The following PAQR8 variants were observed in gnomAD, a reference collection of about 807,000 sequenced individuals.
The protein encoded by PAQR8 is progestin and adipoQ receptor family member 8.
PAQR8 carries 17 observed loss-of-function variants against 25.2 expected under a neutral mutation model. The ratio of observed to expected loss-of-function variants is 0.67; its 90% confidence interval spans 0.46 to 1.01. The LOEUF (loss-of-function observed/expected upper bound fraction) is 1.01, where lower values mean the gene tolerates loss of function less well. PAQR8 is among the 50% of genes least tolerant of loss of function. The pLI, the probability that PAQR8 is intolerant of heterozygous loss-of-function variation, is 0.00. For missense variants in PAQR8, 392 were observed against 448.4 expected (o/e 0.87, Z 1.14); for synonymous variants, 204 against 190.6 (o/e 1.07, Z -0.58).
At chr6:52,393,291 TCATATAAGTGTTTGATA>T (rs1483453005) in intron 1 of PAQR8, among the ~76,000 whole-genome samples, 2 of 151,724 alleles carry the variant, frequency 1.3e-5, no homozygotes, top group African/African-American at 4.8e-5. Flanking sequence ...GTGCTAAACA[TCATATAAGTGTTTGATA>T]CTATTATTCT....
chr6:52,384,195 T>C (rs1763602007), intron 1 of PAQR8, among the ~76,000 whole-genome samples: 1 of 152,110 alleles, frequency 6.6e-6, no homozygotes, highest in Non-Finnish European at 1.5e-5. Context: ...CAGGAGAAAT[T>C]TGGTTTTAAA....
Position 52,403,277 on chromosome 6 carries a change from C to T in PAQR8, c.64C>T (p.Leu22=), listed in dbSNP as rs748269272. 1 of 1,612,740 alleles carries T rather than the reference C, an allele frequency of 6.2e-7. No homozygotes were observed. The highest frequency in any genetic ancestry group is 1.1e-5 in the South Asian group (1 of 91,062). Residue 22 remains leucine, a synonymous_variant, in exon 2 of 2, where the codon CTG becomes TTG. Coordinates refer to ENST00000442253, the MANE Select transcript of PAQR8 (RefSeq NM_133367.5). Reference sequence around the variant, plus strand: ...GGTCAGCGGGCAGCAGCTGCGCCGCCTGCCCAAGATCCTGGAGGATGGGCT... The same window carrying T: ...GGTCAGCGGGCAGCAGCTGCGCCGCTTGCCCAAGATCCTGGAGGATGGGCT... ...LSVSGQQLRR[L]PKILEDGLPK...
chr6:52,378,674 C>T (rs1326557437), intron 1 of PAQR8, among the ~76,000 whole-genome samples: 1 of 151,894 alleles, frequency 6.6e-6, no homozygotes, highest in African/African-American at 2.4e-5. Context: ...GCCTGAAATC[C>T]CAGCTACTTG....
intron 1 of PAQR8, among the ~76,000 whole-genome samples, chr6:52,370,252 G>A (rs771455303): frequency 3.3e-5 from 5 of 151,966 alleles, no homozygotes; most frequent in Non-Finnish European, 7.4e-5. Flanking sequence ...AGTCTAACTC[G>A]GACACTTGGG....
chr6:52,396,183 A>G (rs960469032), intron 1 of PAQR8, among the ~76,000 whole-genome samples: 1 of 152,240 alleles, frequency 6.6e-6, no homozygotes, highest in African/African-American at 2.4e-5. Flanking sequence ...GAATGAAGAA[A>G]ACTGGGAGAG....
chr6:52,367,245 A>G (rs1763364571), intron 1 of PAQR8, among the ~76,000 whole-genome samples: 1 of 152,210 alleles, frequency 6.6e-6, no homozygotes, highest in Non-Finnish European at 1.5e-5. Flanking sequence ...ACAAACAGTT[A>G]TCTGGTTCAA....
intron 1 of PAQR8, among the ~76,000 whole-genome samples, chr6:52,364,966 G>A (rs915506627): frequency 7.2e-5 from 11 of 152,170 alleles, no homozygotes; most frequent in Admixed American, 2.0e-4. Flanking sequence ...GCTCTGGTAT[G>A]TATGTAAAGT....
chr6:52,374,952 A>T (rs1763467899), intron 1 of PAQR8, among the ~76,000 whole-genome samples: 1 of 149,612 alleles, frequency 6.7e-6, no homozygotes, highest in Non-Finnish European at 1.5e-5. Flanking sequence ...TTATATTAAT[A>T]TAATAATATT....
At chr6:52,382,450 C>A (rs371235258) in intron 1 of PAQR8, among the ~76,000 whole-genome samples, 37 of 152,182 alleles carry the variant, frequency 2.4e-4, no homozygotes, top group Non-Finnish European at 4.7e-4. Context: ...CCATGTCCAT[C>A]CACAGGAGGA....
intron 1 of PAQR8, 98 bp from the exon 2 acceptor site, chr6:52,403,064 C>T (rs975580094): frequency 1.5e-6 from 1 of 677,350 alleles, no homozygotes; most frequent in Non-Finnish European, 2.4e-6. Flanking sequence ...GAGTGATACC[C>T]CGTCTCAAAA....
chr6:52,368,658 A>G (rs1020475883), intron 1 of PAQR8, among the ~76,000 whole-genome samples: 8 of 152,200 alleles, frequency 5.3e-5, no homozygotes, highest in South Asian at 2.1e-4. Context: ...ACCTCATTCA[A>G]TATTTCTGTG....
At chr6:52,392,946 G>T (rs1763726512) in intron 1 of PAQR8, among the ~76,000 whole-genome samples, 1 of 152,220 alleles carries the variant, frequency 6.6e-6, no homozygotes, top group Non-Finnish European at 1.5e-5. Flanking sequence ...TTGCAGTACT[G>T]ATTGTTTTTG....
chr6:52,390,532 C>T (rs751087156), intron 1 of PAQR8, among the ~76,000 whole-genome samples: 17 of 151,342 alleles, frequency 1.1e-4, no homozygotes, highest in Non-Finnish European at 1.9e-4. Context: ...GTGTACCTTA[C>T]TTTTTTTTTA....
In PAQR8 at chr6:52,403,858, G is replaced by A. The variant is rs1246777037; in HGVS notation, c.645G>A (p.Val215=). The A allele has an allele frequency of 6.2e-7, 1 of 1,614,122 alleles. No individual in the cohort carries two copies. The highest frequency in any genetic ancestry group is 1.7e-5 in the Admixed American group (1 of 60,000). The change falls in exon 2 of 2, where the codon GTG becomes GTA. Residue 215 remains valine (V), a synonymous_variant. Coordinates refer to ENST00000442253, the MANE Select transcript of PAQR8 (RefSeq NM_133367.5). ...YPVMRKICQV[V]PAGLAFILDI... ...TCATGAGGAAGATCTGTCAAGTGGT[G>A]CCAGCAGGTCTGGCTTTTATCCTAG...
In PAQR8 at chr6:52,398,373, A is replaced by G. The variant is rs146468068; in HGVS notation, c.-52-4789A>G. The stretch of plus-strand genomic sequence containing the variant: ...AGGAGCCTGCTAACACACCCAGCTA[A>G]TTTTTTGTATTTTTAGTAGTGACGG... On this transcript the variant is annotated intron_variant, in intron 1 of 1. Coordinates refer to ENST00000442253, the MANE Select transcript of PAQR8 (RefSeq NM_133367.5). Among the ~76,000 whole-genome samples the G allele has an allele frequency of 8.0e-3, 1,200 of 150,832 alleles. 20 individuals are homozygous for G. Among genetic ancestry groups the G allele is most frequent in the African/African-American group, 0.027 (1,127 of 41,052 alleles).
chr6:52,375,295 C>T (rs1581790066), intron 1 of PAQR8, among the ~76,000 whole-genome samples: 1 of 152,086 alleles, frequency 6.6e-6, no homozygotes, highest in East Asian at 1.9e-4. Flanking sequence ...AAGCCATTAC[C>T]AAGCAATAGA....
chr6:52,375,776 G>A (rs1763478660), intron 1 of PAQR8, among the ~76,000 whole-genome samples: 1 of 152,170 alleles, frequency 6.6e-6, no homozygotes, highest in South Asian at 2.1e-4. Flanking sequence ...CTACTGCCTT[G>A]GCCTTCCAAA....
intron 1 of PAQR8, among the ~76,000 whole-genome samples, chr6:52,367,998 A>T (rs997620940): frequency 2.6e-5 from 4 of 152,040 alleles, no homozygotes; most frequent in African/African-American, 9.7e-5. Flanking sequence ...GGAAGCTGAG[A>T]TGGGAAGATC....
intron 1 of PAQR8, among the ~76,000 whole-genome samples, chr6:52,364,346 A>G (rs894009028): frequency 6.6e-6 from 1 of 152,200 alleles, no homozygotes; most frequent in Non-Finnish European, 1.5e-5. Flanking sequence ...GGGTGTGTGT[A>G]TACCTTATTG....
Sources: allele counts gnomAD v4.1 joint callset (sites outside exome capture counted in the v4.1 genomes callset), GRCh38; gene constraint gnomAD v4.1.1; transcripts MANE v1.5; gene names NCBI Gene and HGNC (gene_info 2026-07-23, HGNC 2026-07-21).